ECT2L: variants seen among roughly 807,000 people sequenced by gnomAD.
The protein encoded by ECT2L is epithelial cell-transforming sequence 2 oncogene-like.
Under a neutral mutation model 122.8 loss-of-function variants are expected in ECT2L, and 126 were observed. That is an observed-to-expected ratio of 1.03 (90% confidence interval 0.89 to 1.19). The LOEUF (loss-of-function observed/expected upper bound fraction) is 1.19. Among genes scored for constraint, ECT2L ranks in the 50% most tolerant of loss-of-function variants. ECT2L has a pLI of 0.00. For synonymous variants in ECT2L, 385 were observed against 381.8 expected, an observed-to-expected ratio of 1.01 and a Z score of -0.10; for missense variants, 1,012 against 1,064.1, an observed-to-expected ratio of 0.95 and a Z score of 0.68.
intron 4 of ECT2L, among the ~76,000 whole-genome samples, chr6:138,831,296 C>T (rs1776641980): frequency 1.3e-5 from 2 of 152,242 alleles, no homozygotes; most frequent in Admixed American, 1.3e-4. Context: ...GTTGGCTTCT[C>T]AAATGGCACT....
intron 5 of ECT2L, among the ~76,000 whole-genome samples, chr6:138,842,744 C>T (rs960231885): frequency 1.3e-5 from 2 of 152,090 alleles, no homozygotes; most frequent in Non-Finnish European, 2.9e-5. Flanking sequence ...TGCACTCCAG[C>T]CTGGGCGACA....
At chr6:138,891,525 G>A (rs1448717815) in intron 20 of ECT2L, among the ~76,000 whole-genome samples, 4 of 152,144 alleles carry the variant, frequency 2.6e-5, no homozygotes, top group Admixed American at 6.6e-5. Flanking sequence ...CCTTTCTACT[G>A]ATTCCAGATC....
chr6:138,894,351 G>C (rs763359921), intron 20 of ECT2L, among the ~76,000 whole-genome samples: 4 of 152,024 alleles, frequency 2.6e-5, no homozygotes, highest in South Asian at 4.1e-4. Flanking sequence ...CACCACACCC[G>C]GCCTACAACT....
chr6:138,894,812 A>G (rs545683788), intron 20 of ECT2L, among the ~76,000 whole-genome samples: 1 of 152,306 alleles, frequency 6.6e-6, no homozygotes, highest in South Asian at 2.1e-4. Context: ...TGGTAACTGA[A>G]TCTATGCTCC....
At chr6:138,895,263 G>A (rs1345947199) in intron 20 of ECT2L, among the ~76,000 whole-genome samples, 1 of 152,098 alleles carries the variant, frequency 6.6e-6, no homozygotes, top group Admixed American at 6.5e-5. Flanking sequence ...TACTCTGCTT[G>A]TATTTATACA....
At chr6:138,886,401 A>C (rs903439858) in intron 18 of ECT2L, among the ~76,000 whole-genome samples, 3 of 152,014 alleles carry the variant, frequency 2.0e-5, no homozygotes, top group Non-Finnish European at 2.9e-5. Flanking sequence ...GGGTACAGAA[A>C]ATTGAAATTT....
intron 13 of ECT2L, among the ~76,000 whole-genome samples, chr6:138,872,108 G>A (rs1778276445): frequency 6.6e-6 from 1 of 152,062 alleles, no homozygotes; most frequent in Admixed American, 6.6e-5. Context: ...CCAATGTGCT[G>A]GGATTACAGG....
chr6:138,852,780 T>C (rs988930567), intron 9 of ECT2L, among the ~76,000 whole-genome samples: 3 of 152,158 alleles, frequency 2.0e-5, no homozygotes, highest in African/African-American at 7.2e-5. Flanking sequence ...GGGGTTTAAA[T>C]TTAAATGACA....
At chr6:138,860,721 TTTTTTTAC>T (rs1241175201) in intron 10 of ECT2L, among the ~76,000 whole-genome samples, 2 of 151,650 alleles carry the variant, frequency 1.3e-5, no homozygotes, top group Non-Finnish European at 2.9e-5. Flanking sequence ...TTTTTTTTTT[TTTTTTTAC>T]TTTAAGTTCT....
rs546644958 is a variant in ECT2L at position 138,846,473 on chromosome 6, T to C, written c.765-66T>C. 6 of 1,482,554 alleles carry C rather than the reference T, an allele frequency of 4.0e-6. No individual in the cohort carries two copies. The East Asian group carries it at 1.1e-4, about 28-fold the overall frequency. 91.8% of individuals were successfully genotyped at this position (1,482,554 alleles called of 1,614,324 possible). A position where few individuals can be genotyped will look rare whatever the true frequency, so the allele number is the denominator to read the frequency against. On this transcript the variant is annotated intron_variant, in intron 7 of 21. Coordinates refer to ENST00000541398, the MANE Select transcript of ECT2L (RefSeq NM_001077706.3). ...AGAGCTGATGCCCAGAGACATATGC[T>C]GTGTACTTACCAAAACTCAAGGTAA...
In ECT2L at chr6:138,843,002, C is replaced by A; in HGVS notation, c.366C>A (p.Cys122Ter). 3 of 1,544,026 alleles carry A rather than the reference C, an allele frequency of 1.9e-6. No homozygotes were observed. Among genetic ancestry groups the A allele is most frequent in the Non-Finnish European group, 1.8e-6 (2 of 1,136,102 alleles). Residue 122 changes from cysteine (C) to a stop codon, truncating the protein, a stop_gained, in exon 6 of 22, where the codon TGC (cysteine) becomes TGA (stop). Coordinates refer to ENST00000541398, the MANE Select transcript of ECT2L (RefSeq NM_001077706.3). LOFTEE classifies it high-confidence loss of function. The stretch of plus-strand genomic sequence containing the variant: ...AGGATTGCTTATGGATGCCCAAATG[C>A]GTTAAGTTCGGATGGTTTCTGCCCT... ...TEQDCLWMPK[C>*]VKFGWFLPYT...
intron 4 of ECT2L, among the ~76,000 whole-genome samples, chr6:138,826,233 T>C (rs1469245642): frequency 5.3e-5 from 8 of 152,200 alleles, no homozygotes; most frequent in African/African-American, 1.4e-4. Flanking sequence ...TTTTATCACA[T>C]TCAAATTCCA....
intron 16 of ECT2L, among the ~76,000 whole-genome samples, chr6:138,885,142 C>T (rs1256671240): frequency 1.3e-5 from 2 of 150,464 alleles, no homozygotes; most frequent in African/African-American, 2.5e-5. Context: ...CATTCTTCTG[C>T]CTCAGCCTCC....
intron 16 of ECT2L, among the ~76,000 whole-genome samples, chr6:138,885,288 A>C (rs576632094): frequency 6.6e-6 from 1 of 152,156 alleles, no homozygotes; most frequent in African/African-American, 2.4e-5. Context: ...TCCGCCTCCC[A>C]AAGTGCTGGA....
chr6:138,902,328 A>G (rs1250678209), intron 21 of ECT2L, among the ~76,000 whole-genome samples, 172 bp from the exon 22 acceptor site: 1 of 152,252 alleles, frequency 6.6e-6, no homozygotes, highest in East Asian at 1.9e-4. Flanking sequence ...ATCATTTTAC[A>G]CTGCATGTGA....
intron 13 of ECT2L, among the ~76,000 whole-genome samples, chr6:138,873,649 CTGGGCCTGGTGG>C (rs1778331241): frequency 6.6e-6 from 1 of 152,102 alleles, no homozygotes; most frequent in Admixed American, 6.6e-5. Context: ...CAAAAATTAG[CTGGGCCTGGTGG>C]TGGGCGCCTG....
At chr6:138,888,042 G>A (rs1040379376) in intron 19 of ECT2L, among the ~76,000 whole-genome samples, 5 of 152,156 alleles carry the variant, frequency 3.3e-5, no homozygotes, top group Non-Finnish European at 5.9e-5. Flanking sequence ...TGTGAGTTAC[G>A]TTGAATTAAA....
intron 14 of ECT2L, among the ~76,000 whole-genome samples, chr6:138,880,375 C>T (rs978911263): frequency 6.6e-6 from 1 of 152,146 alleles, no homozygotes. Context: ...TGATCCCATT[C>T]ATGAAGGAGG....
chr6:138,847,355 CTTTTTTTTTTTT>C (rs1170631663), intron 8 of ECT2L, among the ~76,000 whole-genome samples: 5 of 54,956 alleles, frequency 9.1e-5, no homozygotes, highest in African/African-American at 4.1e-4. Context: ...AAGGCCCAAA[CTTTTTTTTTTTT>C]TTTTTTTTTT....
Sources: allele counts gnomAD v4.1 joint callset (sites outside exome capture counted in the v4.1 genomes callset), GRCh38; gene constraint gnomAD v4.1.1; transcripts MANE v1.5; gene names NCBI Gene and HGNC (gene_info 2026-07-23, HGNC 2026-07-21).